POLR1H: variants seen among roughly 807,000 people sequenced by gnomAD.
POLR1H encodes the protein DNA-directed RNA polymerase I subunit RPA12.
Under a neutral mutation model 15.8 loss-of-function variants are expected in POLR1H, and 5 were observed. The observed-to-expected ratio is 0.32, with a 90% CI of 0.17 to 0.67. The LOEUF is 0.67. Among genes scored for constraint, POLR1H ranks in the 30% least tolerant of loss-of-function variants. The pLI is 0.74. For missense variants in POLR1H, 100 were observed against 163.4 expected (o/e 0.61, Z 2.11); for synonymous variants, 43 against 58.3 (o/e 0.74, Z 1.20).
At position 30,061,776 on chromosome 6, in the gene POLR1H, C is replaced by T. The variant is rs999404679; in HGVS notation, c.145+107C>T. Reference sequence around the variant, plus strand: ...GGGGATCCTAGAGCAGGACATCAGGCGGTTGTACATTTGGTCTAGCGATGA... The same window carrying T: ...GGGGATCCTAGAGCAGGACATCAGGTGGTTGTACATTTGGTCTAGCGATGA... On this transcript the variant is annotated intron_variant, in intron 1 of 3. Transcript: ENST00000332435. The surrounding 1 kb of genome is among the most constrained non-coding windows in gnomAD (Gnocchi z 5.0). The T allele has an allele frequency of 1.3e-6, 2 of 1,564,196 alleles. No individual in the cohort carries two copies. Among genetic ancestry groups the T allele is most frequent in the Non-Finnish European group, 8.7e-7 (1 of 1,145,328 alleles).
Position 30,064,699 on chromosome 6 carries a change from C to CT in POLR1H, c.*7dup, listed in dbSNP as rs1337535118. 17 of 1,607,996 alleles carry CT rather than the reference C, an allele frequency of 1.1e-5. No individual in the cohort carries two copies. Among genetic ancestry groups the CT allele is most frequent in the African/African-American group, 2.7e-5 (2 of 74,484 alleles). ...TTCCAGGAGAAGGAAGACTCTTGAC[C>CT]TTTTTCCTGGGCAACTCTACAGTCC... On this transcript the variant is annotated 3_prime_UTR_variant, in exon 4 of 4. Transcript: ENST00000332435.
intron 3 of POLR1H, among the ~76,000 whole-genome samples, chr6:30,064,261 A>AT (rs1202533663): frequency 1.3e-5 from 2 of 151,086 alleles, no homozygotes; most frequent in Admixed American, 6.6e-5. Flanking sequence ...TTTTAAAAGT[A>AT]TTTTTTTCCT....
chr6:30,061,491 A>G lies in POLR1H; in HGVS notation c.-34A>G. ...ACAGGAACTCTTCTCTCTTTTGTTA[A>G]TAAACTTCCAACTCCCTCCTCAGAC... On this transcript the variant is annotated 5_prime_UTR_variant, in exon 1 of 4. Transcript: ENST00000332435. The surrounding 1 kb of genome is among the most constrained non-coding windows in gnomAD (Gnocchi z 5.0). 2 of 1,609,600 alleles carry G rather than the reference A, an allele frequency of 1.2e-6. No homozygotes were observed. Among genetic ancestry groups the G allele is most frequent in the East Asian group, 2.2e-5 (1 of 44,802 alleles).
At chr6:30,061,094 C>T (rs7770092), upstream of POLR1H, 23,289 of 159,748 alleles carry the variant, frequency 0.15, 2,286 homozygotes, top group African/African-American at 0.27. This position sits in a 1 kb window ranked among gnomAD's most constrained non-coding sequence, Gnocchi z 5.0. Flanking sequence ...TTGTGCTCAA[C>T]CTCTCAGTAC....
At position 30,063,358 on chromosome 6, in the gene POLR1H, C is replaced by T. The variant is rs1315211583; in HGVS notation, c.356+1025C>T. ...CCTTCTGAGTAATTTCTTCAGGTCC[C>T]TCTTCCATGTCACTAATTCTGTCTT... On this transcript the variant is annotated intron_variant, in intron 3 of 3. Coordinates refer to ENST00000332435, the MANE Select transcript of POLR1H (RefSeq NM_170783.4). The surrounding 1 kb of genome is among the most constrained non-coding windows in gnomAD (Gnocchi z 4.1). Among the ~76,000 whole-genome samples the T allele has an allele frequency of 6.6e-6, 1 of 151,888 alleles. No homozygotes were observed. The highest frequency in any genetic ancestry group is 2.4e-5 in the African/African-American group (1 of 41,372).
rs1278532491 is a variant in POLR1H, at chr6:30,062,729, T to C, written c.356+396T>C. On this transcript the variant is annotated intron_variant, in intron 3 of 3. Transcript: ENST00000332435. ...CCACGCCTGGCTTTTTTTTTTTTTT[T>C]TTTTTTTTTTTTTTGTATTTTTAGT... 2.3e-4 allele frequency among the ~76,000 whole-genome samples: 27 copies of C among 117,764 alleles called. 1 individual carries two copies. The highest frequency in any genetic ancestry group is 8.7e-4 in the African/African-American group (27 of 30,962). 77.3% of individuals were successfully genotyped at this position (117,764 alleles called of 152,430 possible). A position where few individuals can be genotyped will look rare whatever the true frequency, so the allele number is the denominator to read the frequency against.
intron 3 of POLR1H, among the ~76,000 whole-genome samples, chr6:30,062,707 C>T (rs996050852): frequency 2.3e-5 from 3 of 130,518 alleles, no homozygotes; most frequent in African/African-American, 6.4e-5. Flanking sequence ...CATGCCACCA[C>T]GCCTGGCTTT....
upstream of POLR1H, chr6:30,060,601 T>A (rs566512640): frequency 1.1e-4 from 16 of 152,306 alleles, 1 homozygote; most frequent in African/African-American, 3.6e-4. Context: ...AGCCCCAAGC[T>A]CCTCTGTTCC....
chr6:30,063,745 T>TTGTG lies in POLR1H; in HGVS notation c.357-926_357-923dup, dbSNP rs1765297093. On this transcript the variant is annotated intron_variant, in intron 3 of 3. Coordinates refer to ENST00000332435, the MANE Select transcript of POLR1H (RefSeq NM_170783.4). The surrounding 1 kb of genome is among the most constrained non-coding windows in gnomAD (Gnocchi z 4.1). ...TGGGCGAGTGCTGTATTCTCAGCAT[T>TTGTG]TGTGTTTCTTTTCTAGGTGCCTTGA... Among the ~76,000 whole-genome samples, 1 of 152,128 alleles carries TTGTG rather than the reference T, an allele frequency of 6.6e-6. No individual in the cohort carries two copies. Among genetic ancestry groups the TTGTG allele is most frequent in the Non-Finnish European group, 1.5e-5 (1 of 68,014 alleles).
chr6:30,060,183 C>A (rs1764907866), upstream of POLR1H: 4 of 152,242 alleles, frequency 2.6e-5, no homozygotes, highest in South Asian at 8.3e-4. Context: ...GAGCCTCTCC[C>A]AGCGAAAAGA....
chr6:30,064,053 C>G (rs942947699), intron 3 of POLR1H, among the ~76,000 whole-genome samples: 1 of 152,122 alleles, frequency 6.6e-6, no homozygotes, highest in African/African-American at 2.4e-5. Context: ...CATTTTGTCC[C>G]TCATTTCCTA....
intron 3 of POLR1H, among the ~76,000 whole-genome samples, chr6:30,064,145 C>T (rs1765324062): frequency 6.6e-6 from 1 of 152,118 alleles, no homozygotes; most frequent in Non-Finnish European, 1.5e-5. Flanking sequence ...TTTTAACTTC[C>T]CTGTCTGGAT....
Position 30,062,025 on chromosome 6 carries a change from A to C in POLR1H, c.246+8A>C. The C allele has an allele frequency of 6.2e-7, 1 of 1,611,574 alleles. No homozygotes were observed. Among genetic ancestry groups the C allele is most frequent in the Non-Finnish European group, 8.5e-7 (1 of 1,178,642 alleles). On this transcript the variant is annotated splice_region_variant and intron_variant, in intron 2 of 3. Transcript: ENST00000332435. ...GAGTGCCAGGGACCTGTGGTAAGCT[A>C]ATGAGATCAAGAACTGGCTCCATAA...
chr6:30,064,708 G>A lies in POLR1H; in HGVS notation c.*11G>A. The A allele has an allele frequency of 6.2e-6, 10 of 1,608,024 alleles. No individual in the cohort carries two copies. The highest frequency in any genetic ancestry group is 8.5e-6 in the Non-Finnish European group (10 of 1,178,112). On this transcript the variant is annotated 3_prime_UTR_variant, in exon 4 of 4. Coordinates refer to ENST00000332435, the MANE Select transcript of POLR1H (RefSeq NM_170783.4). ...AAGGAAGACTCTTGACCTTTTTCCTGGGCAACTCTACAGTCCCTCCCTCCT... is the reference window on the plus strand; with the variant it reads ...AAGGAAGACTCTTGACCTTTTTCCTAGGCAACTCTACAGTCCCTCCCTCCT...
chr6:30,061,730 C>T lies in POLR1H; in HGVS notation c.145+61C>T. ...CGCAGGGTCGGAAGCTTGGGGAACTCAAGATCGGTTGGGTTGAGGAGGGGA... is the reference window on the plus strand; with the variant it reads ...CGCAGGGTCGGAAGCTTGGGGAACTTAAGATCGGTTGGGTTGAGGAGGGGA... On this transcript the variant is annotated intron_variant, in intron 1 of 3. Coordinates refer to ENST00000332435, the MANE Select transcript of POLR1H (RefSeq NM_170783.4). This position sits in a 1 kb window ranked among gnomAD's most constrained non-coding sequence, Gnocchi z 5.0. 1 of 1,606,750 alleles carries T rather than the reference C, an allele frequency of 6.2e-7. No individual in the cohort carries two copies. Among genetic ancestry groups the T allele is most frequent in the East Asian group, 2.2e-5 (1 of 44,752 alleles).
chr6:30,060,826 G>A (rs903138490), upstream of POLR1H: 1 of 152,230 alleles, frequency 6.6e-6, no homozygotes, highest in African/African-American at 2.4e-5. Context: ...GGGACCCAAG[G>A]AACGCTAGAA....
chr6:30,062,408 G>A, intron 3 of POLR1H, 75 bp downstream of exon 3: 3 of 1,011,560 alleles, frequency 3.0e-6, no homozygotes, highest in South Asian at 1.3e-5. Flanking sequence ...TTTTTTGTAC[G>A]AAATGGCCGT....
Position 30,062,320 on chromosome 6 carries a change from T to G in POLR1H, c.343T>G (p.Cys115Gly), listed in dbSNP as rs1156767044. The stretch of plus-strand genomic sequence containing the variant: ...TGAAGGGCAAACTGTCTTCTACACC[T>G]GTACCAACTGCAAGTGAGTATTCTT... ...ADEGQTVFYT[C>G]TNCKFQEKED... is the part of the protein sequence containing the mutation. The change falls in exon 3 of 4, where the codon TGT (cysteine) becomes GGT (glycine). Residue 115 changes from cysteine to glycine, a missense_variant. Physicochemically the swap from Cys to Gly is radical, Grantham distance 159 (BLOSUM62 -3). Transcript: ENST00000332435. 1.9e-6 allele frequency: 3 copies of G among 1,610,506 alleles called. No homozygotes were observed. The highest frequency in any genetic ancestry group is 1.7e-6 in the Non-Finnish European group (2 of 1,177,816).
At position 30,061,920 on chromosome 6, in the gene POLR1H, T is replaced by G. The variant is rs779734564; in HGVS notation, c.149T>G (p.Phe50Cys). 1 of 1,612,950 alleles carries G rather than the reference T, an allele frequency of 6.2e-7. No individual in the cohort carries two copies. The highest frequency in any genetic ancestry group is 1.3e-5 in the African/African-American group (1 of 75,010). ...RCGFNINVRD[F>C]EGKVVKTSVV... ...CAGTTCTTACTTGCCTGTGCAGACT[T>G]TGAGGGGAAGGTTGTGAAGACTTCG... The change falls in exon 2 of 4, where the codon TTT becomes TGT. Residue 50 changes from phenylalanine (F) to cysteine (C), a missense_variant. Physicochemically the swap from Phe to Cys is radical, Grantham distance 205. Transcript: ENST00000332435. This position sits in a 1 kb window ranked among gnomAD's most constrained non-coding sequence, Gnocchi z 5.0.
Sources: allele counts gnomAD v4.1 joint callset (sites outside exome capture counted in the v4.1 genomes callset), GRCh38; gene constraint gnomAD v4.1.1; non-coding constraint Gnocchi (gnomAD v3.1); transcripts MANE v1.5; gene names NCBI Gene and HGNC (gene_info 2026-07-23, HGNC 2026-07-21).